Variants in GRAMD1B observed in about 807,000 individuals in gnomAD.
GRAMD1B encodes GRAM domain containing 1B.
Under a neutral mutation model 99.7 loss-of-function variants are expected in GRAMD1B, and 37 were observed. That is an observed-to-expected ratio of 0.37 (90% CI 0.29 to 0.49). GRAMD1B has a LOEUF of 0.49. Ranked by LOEUF, GRAMD1B falls within the 20% of genes least tolerant of loss-of-function variation. The probability of loss-of-function intolerance (pLI) is 0.98; values close to 1 mark genes in which losing one functional copy is unlikely to be tolerated. For synonymous variants in GRAMD1B, 427 were observed against 387.6 expected, an observed-to-expected ratio of 1.10 and a Z score of -1.19; for missense variants, 888 against 1,009.2, an observed-to-expected ratio of 0.88 and a Z score of 1.63.
intron 2 of GRAMD1B, among the ~76,000 whole-genome samples, chr11:123,524,014 C>T (rs1299267157): frequency 6.6e-6 from 1 of 152,136 alleles, no homozygotes; most frequent in Non-Finnish European, 1.5e-5. Flanking sequence ...TTCTTTCTTT[C>T]GTTTTTTACT....
At chr11:123,527,167 C>T (rs1942866060) in intron 2 of GRAMD1B, among the ~76,000 whole-genome samples, 1 of 152,130 alleles carries the variant, frequency 6.6e-6, no homozygotes, top group South Asian at 2.1e-4. Context: ...TTGCGGCTGG[C>T]TGTCCACGCG....
At chr11:123,482,776 C>T (rs1189002311) in intron 2 of GRAMD1B, among the ~76,000 whole-genome samples, 1 of 151,872 alleles carries the variant, frequency 6.6e-6, no homozygotes, top group East Asian at 1.9e-4. Context: ...GAGTTGGTTG[C>T]GGCCCTCTGA....
chr11:123,605,546 G>C, intron 10 of GRAMD1B, 68 bp downstream of exon 10: 1 of 1,288,476 alleles, frequency 7.8e-7, no homozygotes, highest in Non-Finnish European at 1.1e-6. Context: ...ATAGTTCACT[G>C]GGAACCCAAT....
At chr11:123,368,773 G>A (rs1946419510) in intron 1 of GRAMD1B, among the ~76,000 whole-genome samples, 1 of 151,830 alleles carries the variant, frequency 6.6e-6, no homozygotes. Flanking sequence ...ATTGGAAAGA[G>A]GCCATTGGAG....
chr11:123,568,381 G>A (rs952244455), intron 2 of GRAMD1B, among the ~76,000 whole-genome samples: 4 of 152,224 alleles, frequency 2.6e-5, no homozygotes, highest in African/African-American at 9.6e-5. Context: ...TCTGAACCCG[G>A]CAACAGTCCA....
At chr11:123,475,229 G>A (rs780834849) in intron 1 of GRAMD1B, among the ~76,000 whole-genome samples, 9 of 152,178 alleles carry the variant, frequency 5.9e-5, no homozygotes, top group Non-Finnish European at 1.3e-4. Flanking sequence ...GCATTGCAGA[G>A]CTTCCTGGTC....
intron 1 of GRAMD1B, chr11:123,458,498 A>G (rs967860284): frequency 2.0e-5 from 3 of 152,302 alleles, no homozygotes; most frequent in African/African-American, 7.2e-5. Context: ...GACACGCCCA[A>G]AAATAATGCT....
At chr11:123,489,230 C>T (rs1025124202) in intron 2 of GRAMD1B, among the ~76,000 whole-genome samples, 36 of 152,112 alleles carry the variant, frequency 2.4e-4, no homozygotes, top group African/African-American at 8.0e-4. Flanking sequence ...GGGTCGAGGA[C>T]GAAGGATTTG....
Position 123,507,853 on chromosome 11 carries a change from G to T in GRAMD1B, c.452+26960G>T, listed in dbSNP as rs1940589668. On this transcript the variant is annotated intron_variant, in intron 2 of 19. Transcript: ENST00000635736. ...CTATAGTAATAGGGAGCAGGACTTG[G>T]GTGCAGATTGAGGAGGAAAATGTTA... Among the ~76,000 whole-genome samples the T allele has an allele frequency of 3.9e-5, 6 of 152,110 alleles. No homozygotes were observed. The South Asian group carries it at 1.2e-3, about 32-fold the overall frequency.
chr11:123,565,115 C>T (rs1218795872), intron 2 of GRAMD1B, among the ~76,000 whole-genome samples: 2 of 152,040 alleles, frequency 1.3e-5, no homozygotes, highest in Non-Finnish European at 1.5e-5. Flanking sequence ...CTTACTGCAA[C>T]CTCGAATTCC....
chr11:123,371,508 A>C (rs764986848), intron 1 of GRAMD1B, among the ~76,000 whole-genome samples: 5 of 152,158 alleles, frequency 3.3e-5, no homozygotes, highest in Non-Finnish European at 5.9e-5. Context: ...GACAGTTCCT[A>C]TCTCTCACTT....
chr11:123,563,521 C>CT (rs1451055215), intron 2 of GRAMD1B, among the ~76,000 whole-genome samples: 3 of 105,068 alleles, frequency 2.9e-5, no homozygotes, highest in African/African-American at 7.2e-5. Flanking sequence ...TTTTTTTTTT[C>CT]TTTTTTTTGA....
chr11:123,541,552 T>TG (rs1406191378), intron 2 of GRAMD1B, among the ~76,000 whole-genome samples: 1 of 150,358 alleles, frequency 6.7e-6, no homozygotes, highest in African/African-American at 2.5e-5. Flanking sequence ...TTTTTTTTTT[T>TG]GGCCTTTGCT....
At chr11:123,594,020 C>T (rs1950969477) in intron 4 of GRAMD1B, 62 bp from the exon 5 acceptor site, 1 of 1,124,746 alleles carries the variant, frequency 8.9e-7, no homozygotes, top group African/African-American at 1.5e-5. Flanking sequence ...CTCATCTTGC[C>T]CTTCCTTCCT....
At chr11:123,607,939 G>GC (rs1334903058) in intron 11 of GRAMD1B, 2 of 153,758 alleles carry the variant, frequency 1.3e-5, no homozygotes, top group Non-Finnish European at 2.9e-5. Flanking sequence ...TCTGTATATG[G>GC]ACACAGTGAT....
At chr11:123,560,712 G>T in intron 2 of GRAMD1B, 1 of 454,014 alleles carries the variant, frequency 2.2e-6, no homozygotes, top group African/African-American at 2.0e-5. Context: ...GTGTGTGTGT[G>T]TGTGTGTGTG....
chr11:123,433,222 CA>C (rs1948986118), intron 1 of GRAMD1B, among the ~76,000 whole-genome samples: 1 of 151,894 alleles, frequency 6.6e-6, no homozygotes, highest in Non-Finnish European at 1.5e-5. Context: ...ACTAAAAATA[CA>C]AAAAATTAGC....
chr11:123,413,414 A>G (rs1441380194), intron 1 of GRAMD1B, among the ~76,000 whole-genome samples: 2 of 152,152 alleles, frequency 1.3e-5, no homozygotes, highest in Admixed American at 6.5e-5. Flanking sequence ...GGTAACGTGT[A>G]TCGGAGAGAG....
intron 1 of GRAMD1B, among the ~76,000 whole-genome samples, chr11:123,453,894 G>T (rs1949998522): frequency 6.6e-6 from 1 of 152,182 alleles, no homozygotes; most frequent in South Asian, 2.1e-4. Flanking sequence ...GAATTCGAGG[G>T]TGATCAGGGA....
Sources: allele counts gnomAD v4.1 joint callset (sites outside exome capture counted in the v4.1 genomes callset), GRCh38; gene constraint gnomAD v4.1.1; transcripts MANE v1.5; gene names NCBI Gene and HGNC (gene_info 2026-07-23, HGNC 2026-07-21).